The following LGSN variants were observed in gnomAD, a reference collection of about 807,000 sequenced individuals.
The protein encoded by LGSN is lengsin.
LGSN carries 21 observed loss-of-function variants against 19.5 expected under a neutral mutation model. That is an observed-to-expected ratio of 1.07 (90% CI 0.76 to 1.55). The LOEUF (loss-of-function observed/expected upper bound fraction) is 1.55, where lower values mean the gene tolerates loss of function less well. Among genes scored for constraint, LGSN ranks in the 40% most tolerant of loss-of-function variants. LGSN has a pLI of 0.00. For synonymous variants in LGSN, 257 were observed against 215.6 expected (o/e 1.19, Z -1.68); for missense variants, 673 against 608.5 (o/e 1.11, Z -1.12).
the LGSN span, among the ~76,000 whole-genome samples, chr6:63,505,565 A>AAAAAAGAAAGAGAAAG: frequency 1.7e-5 from 1 of 58,674 alleles, no homozygotes; most frequent in African/African-American, 8.8e-5. Context: ...AAAAAAAAAA[A>AAAAAAGAAAGAGAAAG]AAAGAAAGAA....
rs1008704530 is a variant in LGSN at position 63,280,930 on chromosome 6, G to T, written c.621C>A (p.Ile207=). The part of the protein sequence containing the change: ...ASGFSLLSAF[I]YDFCIFGVPE... ...GCACACCAAAAATGCAAAAATCATA[G>T]ATGAAAGCAGAAAGCAGGGAAAAGC... The change falls in exon 4 of 4, where the codon ATC becomes ATA. Residue 207 remains isoleucine (I), a synonymous_variant. Coordinates refer to ENST00000370657, the MANE Select transcript of LGSN (RefSeq NM_016571.3). 2 of 1,614,072 alleles carry T rather than the reference G, an allele frequency of 1.2e-6. No homozygotes were observed. The highest frequency in any genetic ancestry group is 1.7e-6 in the Non-Finnish European group (2 of 1,180,012).
chr6:63,511,289 T>C, the LGSN span, among the ~76,000 whole-genome samples: 1 of 151,334 alleles, frequency 6.6e-6, no homozygotes, highest in Non-Finnish European at 1.5e-5. Flanking sequence ...GTTTCACTCT[T>C]GTAGCCCAGG....
At chr6:63,537,008 T>C in the LGSN span, among the ~76,000 whole-genome samples, 1 of 152,078 alleles carries the variant, frequency 6.6e-6, no homozygotes, top group Non-Finnish European at 1.5e-5. Flanking sequence ...AGAGTAGTGA[T>C]GGGGAATTAA....
intron 1 of LGSN, among the ~76,000 whole-genome samples, chr6:63,307,990 A>AT (rs1270305751): frequency 6.6e-6 from 1 of 152,186 alleles, no homozygotes; most frequent in East Asian, 1.9e-4. Flanking sequence ...CAGGCAGAGT[A>AT]TTTCAGTCTT....
chr6:63,356,055 G>T, the LGSN span, among the ~76,000 whole-genome samples: 6 of 149,754 alleles, frequency 4.0e-5, no homozygotes, highest in Non-Finnish European at 8.8e-5. Flanking sequence ...ATATATATAT[G>T]TCCAAATTTC....
chr6:63,296,566 A>G (rs895428972), intron 1 of LGSN, among the ~76,000 whole-genome samples: 3 of 151,922 alleles, frequency 2.0e-5, no homozygotes, highest in Non-Finnish European at 4.4e-5. Context: ...CAGGTATATA[A>G]TTATCAATGC....
chr6:63,456,349 A>ATATATG, the LGSN span, among the ~76,000 whole-genome samples: 2 of 5,770 alleles, frequency 3.5e-4, no homozygotes, highest in Non-Finnish European at 4.2e-4. Flanking sequence ...TGGCAGAAAT[A>ATATATG]TACATATATA....
the LGSN span, among the ~76,000 whole-genome samples, chr6:63,558,854 G>A: frequency 2.0e-5 from 3 of 152,178 alleles, no homozygotes; most frequent in African/African-American, 7.2e-5. Context: ...TTTCAAGAAA[G>A]AAATAAAGAT....
intron 1 of LGSN, among the ~76,000 whole-genome samples, chr6:63,304,463 T>G (rs987596294): frequency 1.3e-5 from 2 of 152,222 alleles, no homozygotes; most frequent in Admixed American, 6.5e-5. Context: ...ACCTACAGGC[T>G]GAACAGGGAG....
chr6:63,314,921 A>G (rs1243640628), intron 1 of LGSN, among the ~76,000 whole-genome samples: 1 of 152,178 alleles, frequency 6.6e-6, no homozygotes, highest in Non-Finnish European at 1.5e-5. Flanking sequence ...GGAAATGTGA[A>G]GACACCATGG....
the LGSN span, among the ~76,000 whole-genome samples, chr6:63,537,320 G>A: frequency 6.6e-6 from 1 of 152,166 alleles, no homozygotes; most frequent in East Asian, 1.9e-4. Flanking sequence ...ACTGTGCAGT[G>A]GAGCCAGGAA....
Position 63,280,145 on chromosome 6 carries a change from T to A in LGSN, c.1406A>T (p.Asp469Val). 1 of 1,614,232 alleles carries A rather than the reference T, an allele frequency of 6.2e-7. No individual in the cohort carries two copies. Among genetic ancestry groups the A allele is most frequent in the Admixed American group, 1.7e-5 (1 of 60,030 alleles). Residue 469 changes from aspartate (D) to valine (V), a missense_variant, in exon 4 of 4, where the codon GAT (aspartate) becomes GTT (valine). Coordinates refer to ENST00000370657, the MANE Select transcript of LGSN (RefSeq NM_016571.3). ...LEDALVALEE[D>V]QCLRQALGET... ...TCCTAGAGCCTGTCTCAGGCATTGA[T>A]CTTCTTCCAGTGCCACAAGGGCATC...
At chr6:63,328,110 C>T in the LGSN span, among the ~76,000 whole-genome samples, 1 of 152,252 alleles carries the variant, frequency 6.6e-6, no homozygotes, top group Non-Finnish European at 1.5e-5. Context: ...GTAAGTGCCA[C>T]TAGTTCTGCT....
the LGSN span, among the ~76,000 whole-genome samples, chr6:63,538,963 G>A: frequency 5.3e-5 from 8 of 152,128 alleles, no homozygotes. Flanking sequence ...TGCAATCTCA[G>A]CTCACTGTAA....
the LGSN span, among the ~76,000 whole-genome samples, chr6:63,480,986 T>TATATATATACACATATAC: frequency 2.3e-5 from 1 of 44,076 alleles, no homozygotes; most frequent in African/African-American, 4.5e-5. Flanking sequence ...TATATATATA[T>TATATATATACACATATAC]ACACACACAC....
the LGSN span, among the ~76,000 whole-genome samples, chr6:63,479,218 T>A: frequency 1.3e-5 from 2 of 152,130 alleles, no homozygotes; most frequent in African/African-American, 4.8e-5. Context: ...ATCAACTGCT[T>A]TCAAAGCGTA....
the LGSN span, among the ~76,000 whole-genome samples, chr6:63,349,158 T>C: frequency 6.6e-6 from 1 of 151,594 alleles, no homozygotes; most frequent in Non-Finnish European, 1.5e-5. Context: ...AAGAGCTTCT[T>C]ACATGCCATA....
the LGSN span, among the ~76,000 whole-genome samples, chr6:63,425,490 A>T: frequency 2.0e-5 from 3 of 152,252 alleles, no homozygotes; most frequent in African/African-American, 7.2e-5. Flanking sequence ...GAATCTCCAG[A>T]TAATACTACT....
the LGSN span, among the ~76,000 whole-genome samples, chr6:63,434,604 C>CAAAAAAAAA: frequency 1.5e-3 from 92 of 62,656 alleles, no homozygotes; most frequent in Non-Finnish European, 1.9e-3. Context: ...ACTAAAAATT[C>CAAAAAAAAA]AAAAAAAAAA....
Sources: allele counts gnomAD v4.1 joint callset (sites outside exome capture counted in the v4.1 genomes callset), GRCh38; gene constraint gnomAD v4.1.1; transcripts MANE v1.5; gene names NCBI Gene and HGNC (gene_info 2026-07-23, HGNC 2026-07-21).